The following INPP4B variants were observed in gnomAD, a reference collection of about 807,000 sequenced individuals.
INPP4B encodes the protein inositol polyphosphate 4-phosphatase type II.
In INPP4B, 55 loss-of-function variants were observed where a neutral mutation model predicts 122.5. That is an observed-to-expected ratio of 0.45 (90% CI 0.36 to 0.56). INPP4B has a LOEUF of 0.56. Ranked by LOEUF, INPP4B falls within the 20% of genes least tolerant of loss-of-function variation. The pLI, the probability that INPP4B is intolerant of heterozygous loss-of-function variation, is 0.00. For missense variants in INPP4B, 1,000 were observed against 1,097.7 expected (o/e 0.91, Z 1.26); for synonymous variants, 403 against 388.7 (o/e 1.04, Z -0.43).
At chr4:142,652,527 G>T (rs774784136) in intron 2 of INPP4B, among the ~76,000 whole-genome samples, 11 of 152,098 alleles carry the variant, frequency 7.2e-5, no homozygotes, top group Non-Finnish European at 1.6e-4. Flanking sequence ...CAAAGTCTCA[G>T]GATACAAAAT....
intron 2 of INPP4B, among the ~76,000 whole-genome samples, chr4:142,668,890 A>G (rs1337584252): frequency 6.6e-6 from 1 of 151,314 alleles, no homozygotes; most frequent in African/African-American, 2.4e-5. Flanking sequence ...CCACTAGAAA[A>G]TACAAAAAAA....
At chr4:142,155,729 T>C (rs1816822164) in intron 17 of INPP4B, among the ~76,000 whole-genome samples, 2 of 152,152 alleles carry the variant, frequency 1.3e-5, no homozygotes, top group South Asian at 4.1e-4. Flanking sequence ...AAAGGTATAG[T>C]ACAAAATGAA....
At chr4:142,720,050 G>A (rs536100358) in intron 2 of INPP4B, among the ~76,000 whole-genome samples, 3 of 152,166 alleles carry the variant, frequency 2.0e-5, no homozygotes, top group South Asian at 2.1e-4. Flanking sequence ...TTAGAGCTCT[G>A]GCATCAGGTA....
intron 12 of INPP4B, among the ~76,000 whole-genome samples, chr4:142,226,587 T>G (rs2149781377): frequency 6.6e-6 from 1 of 152,320 alleles, no homozygotes. Context: ...ACTCCTACTG[T>G]AAATATGCAT....
intron 1 of INPP4B, among the ~76,000 whole-genome samples, chr4:142,763,018 C>T (rs1363477607): frequency 2.0e-5 from 3 of 152,122 alleles, no homozygotes; most frequent in South Asian, 2.1e-4. Context: ...CACCAAACAC[C>T]GAATCTACTG....
At chr4:142,572,558 T>G (rs1733057830) in intron 2 of INPP4B, among the ~76,000 whole-genome samples, 2 of 152,204 alleles carry the variant, frequency 1.3e-5, no homozygotes, top group South Asian at 2.1e-4. Flanking sequence ...ATGACTTTAA[T>G]TCTCAGTTTG....
intron 25 of INPP4B, among the ~76,000 whole-genome samples, chr4:142,037,647 C>A (rs1373984298): frequency 6.6e-6 from 1 of 152,102 alleles, no homozygotes; most frequent in Non-Finnish European, 1.5e-5. Context: ...ATGGGTATAC[C>A]ATCCTGAAAT....
intron 12 of INPP4B, among the ~76,000 whole-genome samples, chr4:142,213,105 C>T (rs1033484685): frequency 2.0e-5 from 3 of 152,142 alleles, no homozygotes; most frequent in African/African-American, 4.8e-5. Flanking sequence ...TTATGTGGGG[C>T]ACCATATCAT....
chr4:142,493,257 T>C lies in INPP4B; in HGVS notation c.-190-30531A>G, dbSNP rs576382928. 4.6e-5 allele frequency among the ~76,000 whole-genome samples: 7 copies of C among 152,230 alleles called. No individual in the cohort carries two copies. The East Asian group carries it at 1.4e-3, about 29-fold the overall frequency. ...CTCATGGAGAACCTCTGCTAGGGCA[T>C]GGAGAACCCCTGTGGAAGGGAAATG... On this transcript the variant is annotated intron_variant, in intron 2 of 25. Transcript: ENST00000262992.
At chr4:142,780,936 T>C (rs1320203828) in intron 1 of INPP4B, among the ~76,000 whole-genome samples, 2 of 152,214 alleles carry the variant, frequency 1.3e-5, no homozygotes, top group Admixed American at 1.3e-4. Context: ...ATAAAATTAA[T>C]GAGAATATAG....
intron 7 of INPP4B, 65 bp from the exon 8 acceptor site, chr4:142,314,827 T>C (rs1054852770): frequency 3.0e-6 from 4 of 1,340,060 alleles, no homozygotes; most frequent in Non-Finnish European, 3.1e-6. Flanking sequence ...CTCGCACAGG[T>C]GCTGGGTTTC....
intron 2 of INPP4B, among the ~76,000 whole-genome samples, chr4:142,647,354 T>C (rs989068623): frequency 6.7e-4 from 102 of 152,194 alleles, no homozygotes; most frequent in African/African-American, 2.4e-3. Flanking sequence ...ATTCAGTTAA[T>C]GCAAGGATTG....
intron 12 of INPP4B, among the ~76,000 whole-genome samples, chr4:142,230,826 A>G (rs1183032698): frequency 6.6e-6 from 1 of 152,180 alleles, no homozygotes; most frequent in African/African-American, 2.4e-5. Context: ...CTGTGGCTGC[A>G]GGAGCAAAGA....
At chr4:142,281,759 C>G (rs1040365700) in intron 9 of INPP4B, among the ~76,000 whole-genome samples, 5 of 151,940 alleles carry the variant, frequency 3.3e-5, no homozygotes, top group Admixed American at 6.6e-5. Context: ...TTCTTAATCC[C>G]TGTATTTTTA....
chr4:142,167,207 CAG>C (rs1561352022), intron 16 of INPP4B, among the ~76,000 whole-genome samples: 8 of 151,430 alleles, frequency 5.3e-5, no homozygotes, highest in Non-Finnish European at 8.8e-5. Context: ...GAATACTACA[CAG>C]TTATAAAAAG....
At chr4:142,573,853 A>G (rs1733326334) in intron 2 of INPP4B, among the ~76,000 whole-genome samples, 1 of 152,046 alleles carries the variant, frequency 6.6e-6, no homozygotes, top group East Asian at 1.9e-4. Context: ...CTTGCATTCT[A>G]TTGACAGTTT....
At chr4:142,417,722 G>C (rs1806061859) in intron 5 of INPP4B, among the ~76,000 whole-genome samples, 1 of 149,368 alleles carries the variant, frequency 6.7e-6, no homozygotes, top group Non-Finnish European at 1.5e-5. Flanking sequence ...AATGCTGTCT[G>C]ATTGAGTTTG....
At chr4:142,159,656 T>C (rs2152902502) in intron 17 of INPP4B, among the ~76,000 whole-genome samples, 1 of 152,136 alleles carries the variant, frequency 6.6e-6, no homozygotes, top group African/African-American at 2.4e-5. Context: ...ATGCATATAC[T>C]TTGGAGAATT....
At chr4:142,608,117 A>C (rs1741670738) in intron 2 of INPP4B, among the ~76,000 whole-genome samples, 1 of 152,284 alleles carries the variant, frequency 6.6e-6, no homozygotes, top group East Asian at 1.9e-4. Flanking sequence ...TAAATGAATG[A>C]ATCATCAAGG....
Sources: allele counts gnomAD v4.1 joint callset (sites outside exome capture counted in the v4.1 genomes callset), GRCh38; gene constraint gnomAD v4.1.1; transcripts MANE v1.5; gene names NCBI Gene and HGNC (gene_info 2026-07-23, HGNC 2026-07-21).